CYP2J2: variants seen among roughly 807,000 people sequenced by gnomAD.
CYP2J2 encodes the protein cytochrome P450 2J2.
In CYP2J2, 41 loss-of-function variants were observed where a neutral mutation model predicts 48.8. The ratio of observed to expected loss-of-function variants is 0.84; its 90% confidence interval spans 0.66 to 1.09. CYP2J2 has a LOEUF of 1.09. Ranked by LOEUF, CYP2J2 falls within the 50% of genes least tolerant of loss-of-function variation. CYP2J2 has a pLI of 0.00. For missense variants in CYP2J2, 644 were observed against 617.3 expected (o/e 1.04, Z -0.46); for synonymous variants, 221 against 227.1 (o/e 0.97, Z 0.24).
chr1:59,903,461 G>A (rs952728735), intron 7 of CYP2J2, among the ~76,000 whole-genome samples: 11 of 152,154 alleles, frequency 7.2e-5, no homozygotes, highest in Admixed American at 5.9e-4. Flanking sequence ...TACTTATAAT[G>A]GGAGGTAAAC....
At chr1:59,942,879 A>G in the CYP2J2 span, among the ~76,000 whole-genome samples, 1 of 152,224 alleles carries the variant, frequency 6.6e-6, no homozygotes, top group Admixed American at 6.5e-5. Flanking sequence ...AGAGTAACTC[A>G]CTTAACTGCA....
chr1:59,909,971 AAAAC>A lies in CYP2J2; in HGVS notation c.685-15_685-12del. On this transcript the variant is annotated splice_polypyrimidine_tract_variant and intron_variant, in intron 4 of 8. Transcript: ENST00000371204. Reference sequence around the variant, plus strand: ...AAAGACATTGTAGAGCTAATTGAGAAAAACAAAACAATCATGCAGATAACATGGT... The same window carrying A: ...AAAGACATTGTAGAGCTAATTGAGAAAAAACAATCATGCAGATAACATGGT... 1.3e-6 allele frequency: 2 copies of A among 1,590,390 alleles called. No homozygotes were observed. Among genetic ancestry groups the A allele is most frequent in the Non-Finnish European group, 1.7e-6 (2 of 1,171,728 alleles).
the CYP2J2 span, among the ~76,000 whole-genome samples, chr1:59,941,654 T>C: frequency 6.6e-6 from 1 of 152,120 alleles, no homozygotes; most frequent in South Asian, 2.1e-4. Flanking sequence ...TGGGAGAAGA[T>C]GTGGAGGTGG....
chr1:59,904,988 G>A lies in CYP2J2; in HGVS notation c.1074C>T (p.Ser358=), dbSNP rs1337302650. 1.9e-6 allele frequency: 3 copies of A among 1,613,858 alleles called. No homozygotes were observed. The highest frequency in any genetic ancestry group is 2.2e-5 in the South Asian group (2 of 91,024). ...GGATGACAGCATTGGTGTAGGGCAT[G>A]GACTCCCGGGCGGCTGTGCTCGGCT... is the stretch of plus-strand genomic sequence containing the variant. ...GQQPSTAARE[S]MPYTNAVIHE... is the part of the protein sequence containing the mutation. Residue 358 remains serine, a synonymous_variant, in exon 7 of 9, where the codon TCC becomes TCT. Transcript: ENST00000371204.
At chr1:59,910,520 C>A (rs1643005221) in intron 4 of CYP2J2, among the ~76,000 whole-genome samples, 1 of 151,882 alleles carries the variant, frequency 6.6e-6, no homozygotes, top group Admixed American at 6.6e-5. Flanking sequence ...TTGTAATTTT[C>A]AAAAATAAAG....
rs201638221 is a variant in CYP2J2, at chr1:59,893,604, C to T, written c.*47G>A. On this transcript the variant is annotated 3_prime_UTR_variant, in exon 9 of 9. Transcript: ENST00000371204. ...AGCAGACACCAGTGGTTTCAGAACA[C>T]GTGCCATGTCTTCTTACTTTCCTTG... 57 of 1,440,016 alleles carry T rather than the reference C, an allele frequency of 4.0e-5. No individual in the cohort carries two copies. The Admixed American group carries it at 7.4e-4, about 19-fold the overall frequency. 89.2% of individuals were successfully genotyped at this position (1,440,016 alleles called of 1,614,324 possible).
At chr1:59,939,699 T>C in the CYP2J2 span, among the ~76,000 whole-genome samples, 1 of 152,126 alleles carries the variant, frequency 6.6e-6, no homozygotes, top group Non-Finnish European at 1.5e-5. Context: ...GGTCCAGAGG[T>C]ACTGTTCAGG....
At chr1:59,938,000 T>A in the CYP2J2 span, among the ~76,000 whole-genome samples, 146 of 152,310 alleles carry the variant, frequency 9.6e-4, no homozygotes, top group African/African-American at 3.3e-3. Flanking sequence ...TTTCTTTGAG[T>A]TTCCTCAAAA....
chr1:59,900,850 G>T (rs920068266), intron 8 of CYP2J2, 115 bp downstream of exon 8: 1 of 1,219,688 alleles, frequency 8.2e-7, no homozygotes, highest in Admixed American at 1.9e-5. Context: ...GGAGTGAGTC[G>T]CACTGGCCAG....
At chr1:59,938,859 G>A in the CYP2J2 span, among the ~76,000 whole-genome samples, 1 of 152,234 alleles carries the variant, frequency 6.6e-6, no homozygotes, top group Non-Finnish European at 1.5e-5. Context: ...GCGGCTTTCC[G>A]CAGTGCATTG....
chr1:59,935,617 A>G, the CYP2J2 span, among the ~76,000 whole-genome samples: 1,699 of 152,354 alleles, frequency 0.011, 25 homozygotes, highest in African/African-American at 0.039. Context: ...TTATATATCT[A>G]GCAAAACATG....
the CYP2J2 span, among the ~76,000 whole-genome samples, chr1:59,964,933 T>C: frequency 6.6e-6 from 1 of 152,152 alleles, no homozygotes; most frequent in Non-Finnish European, 1.5e-5. Flanking sequence ...TAAGAGTCTA[T>C]TGTAATAATC....
At chr1:59,965,160 G>C in the CYP2J2 span, among the ~76,000 whole-genome samples, 2 of 152,224 alleles carry the variant, frequency 1.3e-5, no homozygotes, top group African/African-American at 4.8e-5. Context: ...TAACAGTAGC[G>C]ATGTTGGTGG....
upstream of CYP2J2, among the ~76,000 whole-genome samples, chr1:59,931,168 A>T (rs891687751): frequency 1.3e-5 from 2 of 152,184 alleles, no homozygotes; most frequent in South Asian, 2.1e-4. Context: ...AAACAATCAC[A>T]GGTTAATGGA....
chr1:59,918,880 G>T (rs1250649443), intron 1 of CYP2J2, among the ~76,000 whole-genome samples: 1 of 152,130 alleles, frequency 6.6e-6, no homozygotes, highest in Non-Finnish European at 1.5e-5. Flanking sequence ...TTAAAAAAGG[G>T]TGGAACAAAA....
upstream of CYP2J2, among the ~76,000 whole-genome samples, chr1:59,927,951 C>T (rs1389325479): frequency 3.9e-5 from 6 of 152,178 alleles, no homozygotes; most frequent in African/African-American, 1.4e-4. Flanking sequence ...TTCTAGTCCA[C>T]ATTTTCCTGT....
At chr1:59,931,084 G>A (rs114138968), upstream of CYP2J2, among the ~76,000 whole-genome samples, 631 of 152,184 alleles carry the variant, frequency 4.1e-3, 8 homozygotes, top group African/African-American at 0.015. Flanking sequence ...ACTCTTCTTA[G>A]ATTGATAAGA....
In CYP2J2 at chr1:59,905,035, T is replaced by C. The variant is rs1383002905; in HGVS notation, c.1027A>G (p.Arg343Gly). ...IQEKVQAEID[R>G]VIGQGQQPST... is the part of the protein sequence containing the mutation. ...GGCTGCTGCCCCTGGCCAATCACTC[T>C]GTCAATCTCAGCTTGTACTTTTTCT... Residue 343 changes from arginine to glycine, a missense_variant, in exon 7 of 9, where the codon AGA becomes GGA. Coordinates refer to ENST00000371204, the MANE Select transcript of CYP2J2 (RefSeq NM_000775.4). 1 of 1,613,804 alleles carries C rather than the reference T, an allele frequency of 6.2e-7. No individual in the cohort carries two copies. Among genetic ancestry groups the C allele is most frequent in the Non-Finnish European group, 8.5e-7 (1 of 1,179,910 alleles).
chr1:59,913,599 T>C (rs1644438431), intron 2 of CYP2J2, among the ~76,000 whole-genome samples: 1 of 152,174 alleles, frequency 6.6e-6, no homozygotes, highest in Non-Finnish European at 1.5e-5. Flanking sequence ...TCCCTGCACC[T>C]ACATCATCAT....
Sources: gnomAD v4.1 joint callset for allele counts (sites outside exome capture counted in the v4.1 genomes callset) on GRCh38, gnomAD v4.1.1 for gene constraint, MANE v1.5 for transcripts, NCBI Gene and HGNC (gene_info 2026-07-23, HGNC 2026-07-21) for gene names.